Variants in BMP6 observed in about 807,000 individuals in gnomAD.
BMP6 encodes VG-1-R.
A neutral mutation model predicts 54.1 loss-of-function variants in BMP6; 17 were observed. The observed-to-expected ratio is 0.31, with a 90% CI of 0.22 to 0.47. The LOEUF (loss-of-function observed/expected upper bound fraction) is 0.47. BMP6 is among the 20% of genes least tolerant of loss of function. The pLI is 1.00. For missense variants in BMP6, 720 were observed against 690.4 expected (o/e 1.04, Z -0.48); for synonymous variants, 328 against 291.2 (o/e 1.13, Z -1.28).
intron 1 of BMP6, among the ~76,000 whole-genome samples, chr6:7,781,393 G>C (rs1241601651): frequency 6.6e-6 from 1 of 151,726 alleles, no homozygotes; most frequent in Non-Finnish European, 1.5e-5. Context: ...TGTGGGCTGA[G>C]GCTTAGTGAG....
chr6:7,755,218 G>T (rs1296329692), intron 1 of BMP6, among the ~76,000 whole-genome samples: 1 of 151,990 alleles, frequency 6.6e-6, no homozygotes, highest in African/African-American at 2.4e-5. Flanking sequence ...CTACCATCTT[G>T]CTATTTGTTT....
chr6:7,780,621 T>A (rs1468180859), intron 1 of BMP6, among the ~76,000 whole-genome samples: 1 of 152,240 alleles, frequency 6.6e-6, no homozygotes, highest in Non-Finnish European at 1.5e-5. Flanking sequence ...ACATTTTTTT[T>A]ATATGTCCCC....
intron 2 of BMP6, among the ~76,000 whole-genome samples, chr6:7,852,055 GGC>G (rs1245011054): frequency 6.6e-6 from 1 of 152,014 alleles, no homozygotes; most frequent in African/African-American, 2.4e-5. Context: ...TTTATTTCCT[GGC>G]AAGACTGCTA....
intron 1 of BMP6, among the ~76,000 whole-genome samples, chr6:7,807,148 G>A (rs1056809824): frequency 6.6e-6 from 1 of 152,184 alleles, no homozygotes; most frequent in Non-Finnish European, 1.5e-5. Flanking sequence ...TGTGGTCGGG[G>A]AAGAGAATGG....
At chr6:7,850,677 G>A (rs1759128081) in intron 2 of BMP6, among the ~76,000 whole-genome samples, 1 of 152,128 alleles carries the variant, frequency 6.6e-6, no homozygotes. Flanking sequence ...GGGAACACAG[G>A]AATAAGCAGA....
intron 1 of BMP6, among the ~76,000 whole-genome samples, chr6:7,763,537 G>T (rs551600115): frequency 2.6e-5 from 4 of 152,274 alleles, no homozygotes; most frequent in Admixed American, 2.6e-4. Context: ...GAGGCTGGCG[G>T]GTTTCATGCT....
At chr6:7,743,723 G>T (rs1167405770) in intron 1 of BMP6, among the ~76,000 whole-genome samples, 1 of 152,158 alleles carries the variant, frequency 6.6e-6, no homozygotes, top group Non-Finnish European at 1.5e-5. Context: ...GGGTAGCCCT[G>T]TTAACACTAC....
intron 1 of BMP6, among the ~76,000 whole-genome samples, chr6:7,810,895 T>C (rs543285773): frequency 1.5e-4 from 23 of 152,262 alleles, no homozygotes; most frequent in African/African-American, 5.3e-4. Flanking sequence ...ATCCTGTGGG[T>C]ATGACAACAG....
At chr6:7,741,788 A>C (rs1757265667) in intron 1 of BMP6, among the ~76,000 whole-genome samples, 1 of 152,248 alleles carries the variant, frequency 6.6e-6, no homozygotes, top group Admixed American at 6.5e-5. Flanking sequence ...ATGAGGCTTC[A>C]ACGAAGGAGT....
rs962751287 is a variant in BMP6 at position 7,791,996 on chromosome 6, G to C, written c.665-53144G>C. On this transcript the variant is annotated intron_variant, in intron 1 of 6. Transcript: ENST00000283147. ...GAGAAACAGGACCAATTGGATGGAT[G>C]GATGGATGGATGGATGGATGGATGG... Among the ~76,000 whole-genome samples, 69 of 30,840 alleles carry C rather than the reference G, an allele frequency of 2.2e-3. No individual in the cohort carries two copies. The Middle Eastern group carries it at 0.025, about 11-fold the overall frequency. 20.2% of individuals were successfully genotyped at this position (30,840 alleles called of 152,430 possible). A position where few individuals can be genotyped will look rare whatever the true frequency, so the allele number is the denominator to read the frequency against.
chr6:7,859,524 G>A (rs1435577292), intron 2 of BMP6, among the ~76,000 whole-genome samples: 1 of 151,934 alleles, frequency 6.6e-6, no homozygotes, highest in Non-Finnish European at 1.5e-5. Flanking sequence ...CTGGGACCGG[G>A]GCTACTTTCC....
At chr6:7,864,484 A>G (rs1222734918) in intron 4 of BMP6, among the ~76,000 whole-genome samples, 1 of 152,234 alleles carries the variant, frequency 6.6e-6, no homozygotes, top group East Asian at 1.9e-4. Context: ...CCTGGAAAAC[A>G]AGTAAAATAA....
intron 1 of BMP6, among the ~76,000 whole-genome samples, chr6:7,744,803 G>C (rs905919499): frequency 2.6e-5 from 4 of 152,170 alleles, no homozygotes; most frequent in Admixed American, 6.5e-5. Context: ...GGATGCCCCA[G>C]ATCTGTTCTC....
rs899551357 is a variant in BMP6, at chr6:7,842,198, G to A, written c.665-2942G>A. ...CAACAACGAGTTACCATCTCTCACA[G>A]TCTTGTGGAATGACCAGGTTCAACT... On this transcript the variant is annotated intron_variant, in intron 1 of 6. Coordinates refer to ENST00000283147, the MANE Select transcript of BMP6 (RefSeq NM_001718.6). 6.2e-4 allele frequency among the ~76,000 whole-genome samples: 95 copies of A among 152,274 alleles called. 1 individual carries two copies. The highest frequency in any genetic ancestry group is 2.2e-3 in the African/African-American group (91 of 41,552).
At chr6:7,831,661 A>C (rs1002993160) in intron 1 of BMP6, among the ~76,000 whole-genome samples, 2 of 152,188 alleles carry the variant, frequency 1.3e-5, no homozygotes, top group Non-Finnish European at 2.9e-5. Flanking sequence ...TGAAGTTTGC[A>C]TCCTGAATTT....
intron 1 of BMP6, among the ~76,000 whole-genome samples, chr6:7,751,166 C>T (rs1042329277): frequency 3.3e-5 from 5 of 152,210 alleles, no homozygotes; most frequent in Non-Finnish European, 7.3e-5. Context: ...GAACGTTTTA[C>T]TAAGAGTACT....
chr6:7,747,006 C>T (rs542400768), intron 1 of BMP6, among the ~76,000 whole-genome samples: 33 of 152,284 alleles, frequency 2.2e-4, no homozygotes, highest in African/African-American at 6.7e-4. Flanking sequence ...CAGTTCAAAC[C>T]GGTGACACAC....
intron 1 of BMP6, among the ~76,000 whole-genome samples, chr6:7,779,687 A>G (rs530402255): frequency 3.4e-4 from 52 of 152,292 alleles, no homozygotes; most frequent in African/African-American, 1.2e-3. Context: ...TTACTCTTAC[A>G]TAGAACATTC....
At chr6:7,766,964 ATTT>A (rs1460757991) in intron 1 of BMP6, among the ~76,000 whole-genome samples, 10 of 149,104 alleles carry the variant, frequency 6.7e-5, no homozygotes, top group Admixed American at 3.3e-4. Context: ...TTATTTATTT[ATTT>A]ATTTTTTTAA....
Sources: allele counts gnomAD v4.1 joint callset (sites outside exome capture counted in the v4.1 genomes callset), GRCh38; gene constraint gnomAD v4.1.1; transcripts MANE v1.5; gene names NCBI Gene and HGNC (gene_info 2026-07-23, HGNC 2026-07-21).